MMAA: variants seen among roughly 807,000 people sequenced by gnomAD.
MMAA encodes metabolism of cobalamin associated A.
MMAA carries 41 observed loss-of-function variants against 45.0 expected under a neutral mutation model. That is an observed-to-expected ratio of 0.91 (90% confidence interval 0.71 to 1.18). The LOEUF is 1.18. Ranked by LOEUF, MMAA falls within the 50% of genes most tolerant of loss-of-function variation. MMAA has a pLI of 0.00. For missense variants in MMAA, 460 were observed against 495.7 expected (o/e 0.93, Z 0.68); for synonymous variants, 154 against 178.2 (o/e 0.86, Z 1.08).
At chr4:145,646,898 G>A (rs1298944046) in intron 4 of MMAA, among the ~76,000 whole-genome samples, 1 of 152,210 alleles carries the variant, frequency 6.6e-6, no homozygotes, top group Non-Finnish European at 1.5e-5. Context: ...AGTTGGAGCA[G>A]TAGGCCAGGG....
intron 4 of MMAA, among the ~76,000 whole-genome samples, chr4:145,647,628 G>A (rs1254476102): frequency 6.6e-6 from 1 of 152,170 alleles, no homozygotes; most frequent in African/African-American, 2.4e-5. Flanking sequence ...CCGGACCTTT[G>A]TCTTGTAGAT....
At chr4:145,634,452 C>T (rs1322359406) in intron 1 of MMAA, among the ~76,000 whole-genome samples, 1 of 152,024 alleles carries the variant, frequency 6.6e-6, no homozygotes. Context: ...ACTTACCCTT[C>T]AGGGCAGTGG....
At chr4:145,624,465 T>C in intron 1 of MMAA, 1 of 857,084 alleles carries the variant, frequency 1.2e-6, no homozygotes, top group Non-Finnish European at 1.9e-6. Flanking sequence ...GTCTTCAGTA[T>C]TAGGCCCTTT....
At chr4:145,654,677 T>A (rs905908025) in intron 6 of MMAA, among the ~76,000 whole-genome samples, 1 of 152,208 alleles carries the variant, frequency 6.6e-6, no homozygotes, top group South Asian at 2.1e-4. Flanking sequence ...GTTGTCTGCA[T>A]TGAGTCTGGA....
chr4:145,637,977 G>A (rs1727665102), intron 1 of MMAA, among the ~76,000 whole-genome samples: 1 of 152,168 alleles, frequency 6.6e-6, no homozygotes, highest in Non-Finnish European at 1.5e-5. Context: ...CATAGTGACC[G>A]CGGCTCATAA....
At chr4:145,643,108 G>A (rs775281807) in intron 3 of MMAA, among the ~76,000 whole-genome samples, 4 of 152,080 alleles carry the variant, frequency 2.6e-5, no homozygotes, top group African/African-American at 7.2e-5. Flanking sequence ...GCTCATCAGC[G>A]ATAAAATGAA....
chr4:145,625,871 G>C, intron 1 of MMAA: 1 of 1,403,870 alleles, frequency 7.1e-7, no homozygotes, highest in South Asian at 1.2e-5. Flanking sequence ...GACGGGTTAT[G>C]CAACTGTGAA....
chr4:145,642,596 C>A, intron 3 of MMAA, 111 bp downstream of exon 3: 1 of 1,465,630 alleles, frequency 6.8e-7, no homozygotes, highest in Non-Finnish European at 9.5e-7. Context: ...AGTTTGGTCT[C>A]GCTAAAGGAA....
chr4:145,633,648 C>T (rs1216183881), intron 1 of MMAA, among the ~76,000 whole-genome samples: 1 of 152,164 alleles, frequency 6.6e-6, no homozygotes, highest in Admixed American at 6.5e-5. Flanking sequence ...TTGATACTTA[C>T]AGATGTTTGT....
chr4:145,642,392 T>C lies in MMAA; in HGVS notation c.469T>C (p.Ser157Pro). 6.2e-7 allele frequency: 1 copy of C among 1,614,090 alleles called. No homozygotes were observed. The highest frequency in any genetic ancestry group is 1.1e-5 in the South Asian group (1 of 91,076). Residue 157 changes from serine to proline, a missense_variant, in exon 3 of 7, where the codon TCA becomes CCA. Coordinates refer to ENST00000649156, the MANE Select transcript of MMAA (RefSeq NM_172250.3). ...GTCTGGGCCCCCTGGTGCTGGAAAA[T>C]CAACATTTATAGAATATTTTGGAAA... is the stretch of plus-strand genomic sequence containing the variant. ...GLSGPPGAGK[S>P]TFIEYFGKML...
intron 1 of MMAA, among the ~76,000 whole-genome samples, chr4:145,627,405 A>G (rs1734226355): frequency 6.6e-6 from 1 of 152,118 alleles, no homozygotes; most frequent in Non-Finnish European, 1.5e-5. Flanking sequence ...TGTTACCCAA[A>G]CTTTTCTTTA....
chr4:145,626,098 T>C (rs567386911), intron 1 of MMAA: 9 of 671,518 alleles, frequency 1.3e-5, no homozygotes, highest in Non-Finnish European at 2.3e-5. Context: ...TTGGGTGGAC[T>C]GAGACACGGC....
chr4:145,645,784 ATAAATTATAGATTTTGAGGGG>A, intron 3 of MMAA, among the ~76,000 whole-genome samples, 181 bp from the exon 4 acceptor site: 1 of 152,202 alleles, frequency 6.6e-6, no homozygotes, highest in South Asian at 2.1e-4. Flanking sequence ...GGGGGAAGCT[ATAAATTATAGATTTTGAGGGG>A]CTTGAAATGT....
rs767934772 is a variant in MMAA, at chr4:145,651,123, A to C, written c.795A>C (p.Pro265=). 2.5e-6 allele frequency: 4 copies of C among 1,614,146 alleles called. No individual in the cohort carries two copies. The Admixed American group carries it at 5.0e-5, about 20-fold the overall frequency. The change falls in exon 5 of 7, where the codon CCA becomes CCC. Residue 265 remains proline (P), a synonymous_variant. Coordinates refer to ENST00000649156, the MANE Select transcript of MMAA (RefSeq NM_172250.3). ...DMVDMFVLLL[P]PAGGDELQGI... is the part of the protein sequence containing the mutation. ...TTGACATGTTTGTTTTACTACTGCCACCAGCAGGAGGAGATGAGCTGCAGG... is the reference window on the plus strand; with the variant it reads ...TTGACATGTTTGTTTTACTACTGCCCCCAGCAGGAGGAGATGAGCTGCAGG...
At position 145,639,109 on chromosome 4, in the gene MMAA, AGT is replaced by A; in HGVS notation, c.-28_-27del. Reference sequence around the variant, plus strand: ...AATCACATTGAGCCAAAACGCATCCAGTGTTTTCTCCAGTTACAAATAAAACG... The same window carrying A: ...AATCACATTGAGCCAAAACGCATCCAGTTTTCTCCAGTTACAAATAAAACG... On this transcript the variant is annotated 5_prime_UTR_variant, in exon 2 of 7. Coordinates refer to ENST00000649156, the MANE Select transcript of MMAA (RefSeq NM_172250.3). 1.2e-6 allele frequency: 2 copies of A among 1,607,056 alleles called. No homozygotes were observed. The highest frequency in any genetic ancestry group is 2.2e-5 in the South Asian group (2 of 90,960).
intron 1 of MMAA, among the ~76,000 whole-genome samples, chr4:145,629,193 C>T (rs774580869): frequency 1.3e-5 from 2 of 152,116 alleles, no homozygotes; most frequent in Admixed American, 6.5e-5. Flanking sequence ...TGCAGTGGCA[C>T]GATCTCAGCT....
intron 2 of MMAA, among the ~76,000 whole-genome samples, chr4:145,641,066 C>T (rs1460974708): frequency 6.6e-6 from 1 of 152,144 alleles, no homozygotes; most frequent in Non-Finnish European, 1.5e-5. Flanking sequence ...GCTCACCAAC[C>T]AATATTTATA....
At chr4:145,633,196 C>CTTTTT (rs941603291) in intron 1 of MMAA, among the ~76,000 whole-genome samples, 85 of 88,416 alleles carry the variant, frequency 9.6e-4, no homozygotes, top group East Asian at 1.2e-3. Flanking sequence ...ATTTCTTTTT[C>CTTTTT]TTTTTTTTTT....
Position 145,659,483 on chromosome 4 carries a change from T to C in MMAA, c.*4049T>C, listed in dbSNP as rs1047224542. ...TAGACCCCTCAGCTTCTTGATAGAG[T>C]GAGGTGAGGGCATATGTAAGTCAGT... On this transcript the variant is annotated 3_prime_UTR_variant, in exon 7 of 7. Coordinates refer to ENST00000649156, the MANE Select transcript of MMAA (RefSeq NM_172250.3). 6.6e-6 allele frequency: 1 copy of C among 152,108 alleles called. No individual in the cohort carries two copies. Among genetic ancestry groups the C allele is most frequent in the East Asian group, 1.9e-4 (1 of 5,190 alleles). 9.4% of individuals were successfully genotyped at this position (152,108 alleles called of 1,614,324 possible).
Sources: allele counts gnomAD v4.1 joint callset (sites outside exome capture counted in the v4.1 genomes callset), GRCh38; gene constraint gnomAD v4.1.1; transcripts MANE v1.5; gene names NCBI Gene and HGNC (gene_info 2026-07-23, HGNC 2026-07-21).